Variants in PRKCE observed in about 807,000 individuals in gnomAD.
PRKCE encodes the protein protein kinase C epsilon.
Under a neutral mutation model 85.4 loss-of-function variants are expected in PRKCE, and 16 were observed. The observed-to-expected ratio is 0.19, with a 90% CI of 0.13 to 0.28. The LOEUF (loss-of-function observed/expected upper bound fraction) is 0.28, where lower values mean the gene tolerates loss of function less well. Among genes scored for constraint, PRKCE ranks in the 10% least tolerant of loss-of-function variants. The pLI is 1.00. For missense variants in PRKCE, 573 were observed against 975.2 expected (o/e 0.59, Z 5.49); for synonymous variants, 388 against 371.5 (o/e 1.04, Z -0.51).
At chr2:45,788,765 C>G (rs577618258) in intron 1 of PRKCE, among the ~76,000 whole-genome samples, 57 of 152,240 alleles carry the variant, frequency 3.7e-4, no homozygotes, top group Middle Eastern at 3.4e-3. Context: ...TACTTTCTGT[C>G]TAAAGTAGGC....
intron 11 of PRKCE, among the ~76,000 whole-genome samples, chr2:46,128,280 G>A (rs1333760781): frequency 2.6e-5 from 4 of 152,060 alleles, no homozygotes; most frequent in Non-Finnish European, 5.9e-5. Context: ...GATTTTTTTA[G>A]TATGTGAGAA....
intron 2 of PRKCE, among the ~76,000 whole-genome samples, chr2:45,927,491 A>G (rs1421683667): frequency 1.3e-5 from 2 of 152,200 alleles, no homozygotes; most frequent in African/African-American, 4.8e-5. Context: ...TAGTAAAGCC[A>G]CAGGCATCCA....
intron 1 of PRKCE, among the ~76,000 whole-genome samples, chr2:45,699,747 A>T (rs1678461813): frequency 1.3e-5 from 2 of 152,178 alleles, no homozygotes; most frequent in South Asian, 4.1e-4. Context: ...TGGTAAAGGT[A>T]TACAGTTGGG....
At chr2:45,931,707 G>A (rs1277471174) in intron 2 of PRKCE, among the ~76,000 whole-genome samples, 1 of 151,850 alleles carries the variant, frequency 6.6e-6, no homozygotes, top group Non-Finnish European at 1.5e-5. Flanking sequence ...GTATACAGGT[G>A]ACTGAATTTT....
Position 45,652,964 on chromosome 2 carries a change from C to T in PRKCE, c.348+516C>T, listed in dbSNP as rs982486956. Among the ~76,000 whole-genome samples, 2 of 152,074 alleles carry T rather than the reference C, an allele frequency of 1.3e-5. No individual in the cohort carries two copies. Among genetic ancestry groups the T allele is most frequent in the Admixed American group, 6.5e-5 (1 of 15,274 alleles). On this transcript the variant is annotated intron_variant, in intron 1 of 14. Coordinates refer to ENST00000306156, the MANE Select transcript of PRKCE (RefSeq NM_005400.3). The surrounding 1 kb of genome is among the most constrained non-coding windows in gnomAD (Gnocchi z 7.7). ...TTCTATTCTCTTGCATGGTGGTTAG[C>T]TCATCTTCTGACATACAAGTAGAAA... is the stretch of plus-strand genomic sequence containing the variant.
At chr2:45,962,938 A>C (rs549938980) in intron 2 of PRKCE, among the ~76,000 whole-genome samples, 2 of 152,342 alleles carry the variant, frequency 1.3e-5, no homozygotes, top group African/African-American at 4.8e-5. Flanking sequence ...TCTCAGTGGA[A>C]CATAAAAACT....
chr2:45,871,844 A>AT (rs1694112409), intron 2 of PRKCE, among the ~76,000 whole-genome samples: 1 of 152,124 alleles, frequency 6.6e-6, no homozygotes, highest in Non-Finnish European at 1.5e-5. Flanking sequence ...TTCCCCTTAC[A>AT]CACTGCGGAG....
At chr2:46,045,662 T>C (rs909551474) in intron 10 of PRKCE, among the ~76,000 whole-genome samples, 1 of 152,154 alleles carries the variant, frequency 6.6e-6, no homozygotes, top group Admixed American at 6.5e-5. Context: ...GATGATCACT[T>C]GGGGTCAGGA....
At chr2:46,144,558 G>A (rs1468466312) in intron 11 of PRKCE, among the ~76,000 whole-genome samples, 3 of 152,098 alleles carry the variant, frequency 2.0e-5, no homozygotes, top group Non-Finnish European at 2.9e-5. Context: ...CTTGAGGGGC[G>A]CTGTTTCCTG....
chr2:45,874,184 C>T lies in PRKCE; in HGVS notation c.412+31121C>T, dbSNP rs377255079. ...TGAATCCAGACTTACCCCAAACTTC[C>T]ATCTCTCACACACTCAATCAGAGGC... On this transcript the variant is annotated intron_variant, in intron 2 of 14. Coordinates refer to ENST00000306156, the MANE Select transcript of PRKCE (RefSeq NM_005400.3). 3.9e-5 allele frequency among the ~76,000 whole-genome samples: 6 copies of T among 152,222 alleles called. No individual in the cohort carries two copies. In the East Asian group the frequency reaches 1.2e-3, roughly 29 times the overall value.
chr2:45,675,923 A>G (rs925500660), intron 1 of PRKCE, among the ~76,000 whole-genome samples: 1 of 151,346 alleles, frequency 6.6e-6, no homozygotes, highest in Non-Finnish European at 1.5e-5. Context: ...TCAGCATTTT[A>G]CTCCCCTTTT....
intron 2 of PRKCE, among the ~76,000 whole-genome samples, chr2:45,915,081 G>T (rs1389135727): frequency 6.6e-6 from 1 of 152,152 alleles, no homozygotes; most frequent in Admixed American, 6.5e-5. Flanking sequence ...TATAGTTGGG[G>T]TTTCACCATG....
intron 1 of PRKCE, among the ~76,000 whole-genome samples, chr2:45,841,953 G>T (rs1047810175): frequency 2.6e-5 from 4 of 152,240 alleles, no homozygotes; most frequent in Non-Finnish European, 5.9e-5. Context: ...TTCACAGCTT[G>T]TTGGGGAGAG....
chr2:45,682,609 G>A (rs1676993604), intron 1 of PRKCE, among the ~76,000 whole-genome samples: 1 of 151,436 alleles, frequency 6.6e-6, no homozygotes, highest in African/African-American at 2.4e-5. Flanking sequence ...TTTTTGAGAT[G>A]GAGTTTCACT....
chr2:46,087,741 G>A (rs1574437561), intron 11 of PRKCE, among the ~76,000 whole-genome samples: 1 of 152,320 alleles, frequency 6.6e-6, no homozygotes, highest in East Asian at 1.9e-4. Context: ...ACATGCCCTG[G>A]TCAGTGTATC....
chr2:46,024,830 C>T (rs1172507501), intron 10 of PRKCE, among the ~76,000 whole-genome samples: 1 of 151,988 alleles, frequency 6.6e-6, no homozygotes, highest in Non-Finnish European at 1.5e-5. Flanking sequence ...TTTATCAAGC[C>T]CCAGTTTATG....
chr2:46,081,433 A>G (rs992578593), intron 10 of PRKCE, among the ~76,000 whole-genome samples: 12 of 152,378 alleles, frequency 7.9e-5, no homozygotes, highest in Middle Eastern at 3.4e-3. Context: ...AGTTACCAAC[A>G]GTTCCTGCCC....
intron 2 of PRKCE, among the ~76,000 whole-genome samples, chr2:45,935,712 G>A (rs1250475642): frequency 6.6e-6 from 1 of 151,498 alleles, no homozygotes; most frequent in Non-Finnish European, 1.5e-5. Context: ...TTGAACCCAG[G>A]AGGCAGAGGT....
intron 11 of PRKCE, among the ~76,000 whole-genome samples, chr2:46,126,855 AG>A (rs919564243): frequency 6.6e-6 from 1 of 152,222 alleles, no homozygotes; most frequent in Non-Finnish European, 1.5e-5. Context: ...TGCTGGAGGC[AG>A]GACAAGCATG....
Sources: allele counts gnomAD v4.1 joint callset (sites outside exome capture counted in the v4.1 genomes callset), GRCh38; gene constraint gnomAD v4.1.1; non-coding constraint Gnocchi (gnomAD v3.1); transcripts MANE v1.5; gene names NCBI Gene and HGNC (gene_info 2026-07-23, HGNC 2026-07-21).